Variants in DGKH observed in about 807,000 individuals in gnomAD.
The protein encoded by DGKH is DAG kinase eta.
DGKH carries 90 observed loss-of-function variants against 159.3 expected under a neutral mutation model. That is an observed-to-expected ratio of 0.57 (90% CI 0.48 to 0.67). DGKH has a LOEUF of 0.67. Among genes scored for constraint, DGKH ranks in the 30% least tolerant of loss-of-function variants. The pLI, the probability that DGKH is intolerant of heterozygous loss-of-function variation, is 0.00. For synonymous variants in DGKH, 536 were observed against 553.8 expected (o/e 0.97, Z 0.45); for missense variants, 1,181 against 1,506.1 (o/e 0.78, Z 3.57).
chr13:42,212,202 C>T (rs1320644018), intron 24 of DGKH, among the ~76,000 whole-genome samples: 1 of 152,174 alleles, frequency 6.6e-6, no homozygotes, highest in Non-Finnish European at 1.5e-5. Context: ...CCATTCCTTA[C>T]TCTCTTTAAA....
chr13:42,130,080 T>C (rs1248713615), intron 3 of DGKH, among the ~76,000 whole-genome samples: 1 of 152,228 alleles, frequency 6.6e-6, no homozygotes, highest in African/African-American at 2.4e-5. Flanking sequence ...GGCAGCTCTG[T>C]TCCAGTTTCT....
chr13:42,050,296 G>A (rs575014295), intron 1 of DGKH, among the ~76,000 whole-genome samples: 4 of 152,300 alleles, frequency 2.6e-5, no homozygotes, highest in East Asian at 1.9e-4. Context: ...GTTTGAACCC[G>A]GGAGGCGGAG....
intron 1 of DGKH, among the ~76,000 whole-genome samples, chr13:42,116,288 ATTGT>A (rs1209148327): frequency 6.6e-6 from 1 of 152,220 alleles, no homozygotes; most frequent in East Asian, 1.9e-4. Context: ...CCAAAGAAAA[ATTGT>A]TTGAGAGGAC....
rs749557765 is a variant in DGKH, at chr13:42,219,808, A to G, written c.3442+14A>G. On this transcript the variant is annotated intron_variant, in intron 28 of 29. Coordinates refer to ENST00000337343, the MANE Select transcript of DGKH (RefSeq NM_178009.5). Reference sequence around the variant, plus strand: ...GTTCACAGCCTGGTAGGTGGTCCATATGGAAGGGGAAATATAACATTATGA... The same window carrying G: ...GTTCACAGCCTGGTAGGTGGTCCATGTGGAAGGGGAAATATAACATTATGA... The G allele has an allele frequency of 4.4e-6, 7 of 1,603,660 alleles. No homozygotes were observed. The highest frequency in any genetic ancestry group is 6.0e-6 in the Non-Finnish European group (7 of 1,172,268).
intron 3 of DGKH, among the ~76,000 whole-genome samples, chr13:42,148,690 G>A (rs1357550187): frequency 1.3e-5 from 2 of 152,102 alleles, no homozygotes; most frequent in African/African-American, 4.8e-5. Context: ...GATCAAATCT[G>A]TACTCTTTGG....
intron 1 of DGKH, among the ~76,000 whole-genome samples, chr13:42,084,280 A>G (rs575610395): frequency 1.3e-5 from 2 of 152,272 alleles, no homozygotes; most frequent in East Asian, 3.9e-4. Context: ...GTTTATTCAC[A>G]GGTATCTCTT....
intron 25 of DGKH, among the ~76,000 whole-genome samples, chr13:42,214,836 C>T (rs1042879356): frequency 1.3e-5 from 2 of 152,034 alleles, no homozygotes; most frequent in Admixed American, 6.6e-5. Flanking sequence ...CACTTTCAAT[C>T]ACTTGTCACC....
intron 24 of DGKH, among the ~76,000 whole-genome samples, chr13:42,213,693 G>C (rs1957720758): frequency 6.6e-6 from 1 of 151,944 alleles, no homozygotes; most frequent in South Asian, 2.1e-4. Flanking sequence ...CCCTTTTCTT[G>C]TTCTGTCCTT....
chr13:42,152,177 TACA>T (rs1454112411), intron 3 of DGKH, among the ~76,000 whole-genome samples: 1 of 152,186 alleles, frequency 6.6e-6, no homozygotes, highest in Non-Finnish European at 1.5e-5. Context: ...TTCTGAAATC[TACA>T]ACTTTAAGAG....
At position 42,231,766 on chromosome 13, in the gene DGKH, C is replaced by A. The variant is rs1249579675; in HGVS notation, c.*2578C>A. On this transcript the variant is annotated 3_prime_UTR_variant, in exon 30 of 30. Transcript: ENST00000337343. ...TGAGCTTTTCACTCGTAGGTGACAT[C>A]TTTTGTATATGCTGTAAAGTCTCAG... 6.6e-6 allele frequency: 1 copy of A among 152,136 alleles called. No homozygotes were observed. The highest frequency in any genetic ancestry group is 1.5e-5 in the Non-Finnish European group (1 of 68,026). 9.4% of individuals were successfully genotyped at this position (152,136 alleles called of 1,614,324 possible). A position where few individuals can be genotyped will look rare whatever the true frequency, so the allele number is the denominator to read the frequency against.
At chr13:42,071,878 C>T (rs1035783845) in intron 1 of DGKH, among the ~76,000 whole-genome samples, 7 of 152,098 alleles carry the variant, frequency 4.6e-5, no homozygotes, top group African/African-American at 1.7e-4. Context: ...TGAGAGAGGG[C>T]CATGTTGGTT....
chr13:42,103,854 T>C (rs1954697678), intron 1 of DGKH, among the ~76,000 whole-genome samples: 2 of 152,064 alleles, frequency 1.3e-5, no homozygotes, highest in South Asian at 4.1e-4. Context: ...AAAGGGGAAA[T>C]GGATGTTGGG....
intron 5 of DGKH, among the ~76,000 whole-genome samples, chr13:42,158,723 T>C (rs1050760211): frequency 6.6e-6 from 1 of 152,236 alleles, no homozygotes; most frequent in South Asian, 2.1e-4. Flanking sequence ...CTATTTTCCA[T>C]GATGCCTGGC....
At chr13:42,109,723 C>A (rs1279576634) in intron 1 of DGKH, among the ~76,000 whole-genome samples, 2 of 151,972 alleles carry the variant, frequency 1.3e-5, no homozygotes, top group African/African-American at 4.8e-5. Flanking sequence ...ATTTGCACAG[C>A]CTTCATCTCT....
chr13:42,080,706 C>A (rs986857330), intron 1 of DGKH, among the ~76,000 whole-genome samples: 3 of 151,884 alleles, frequency 2.0e-5, no homozygotes, highest in Non-Finnish European at 4.4e-5. Flanking sequence ...ATTTGCCTGT[C>A]CTACTTTTTT....
intron 26 of DGKH, among the ~76,000 whole-genome samples, chr13:42,218,715 G>T (rs1475946940): frequency 2.0e-5 from 3 of 151,968 alleles, no homozygotes; most frequent in African/African-American, 7.3e-5. Context: ...CATCATGTTG[G>T]CCAGTCTGGT....
intron 1 of DGKH, among the ~76,000 whole-genome samples, chr13:42,055,394 G>A (rs1453947150): frequency 6.6e-6 from 1 of 152,132 alleles, no homozygotes; most frequent in African/African-American, 2.4e-5. Context: ...GTAATATATG[G>A]TATAACACCT....
intron 18 of DGKH, 73 bp from the exon 19 acceptor site, chr13:42,199,493 A>G (rs4942097): frequency 0.15 from 164,023 of 1,067,258 alleles, 14,294 homozygotes; most frequent in Admixed American, 0.27. Context: ...TTTAAGTACT[A>G]TCTTGTGTAC....
intron 29 of DGKH, among the ~76,000 whole-genome samples, chr13:42,224,724 T>C (rs1162240422): frequency 6.6e-6 from 1 of 152,078 alleles, no homozygotes; most frequent in African/African-American, 2.4e-5. Context: ...TTATTTCAGT[T>C]GCTTAAAAAT....
Sources: allele counts gnomAD v4.1 joint callset (sites outside exome capture counted in the v4.1 genomes callset), GRCh38; gene constraint gnomAD v4.1.1; transcripts MANE v1.5; gene names NCBI Gene and HGNC (gene_info 2026-07-23, HGNC 2026-07-21).